CASZ1: variants seen among roughly 807,000 people sequenced by gnomAD.
CASZ1 encodes castor zinc finger 1.
CASZ1 carries 28 observed loss-of-function variants against 135.2 expected under a neutral mutation model. The ratio of observed to expected loss-of-function variants is 0.21; its 90% CI spans 0.15 to 0.28. CASZ1 has a LOEUF of 0.28. Ranked by LOEUF, CASZ1 falls within the 10% of genes least tolerant of loss-of-function variation. The probability of loss-of-function intolerance (pLI) is 1.00; values close to 1 mark genes in which losing one functional copy is unlikely to be tolerated. For synonymous variants in CASZ1, 1,068 were observed against 1,073.4 expected, an observed-to-expected ratio of 0.99 and a Z score of 0.10; for missense variants, 2,161 against 2,453.3, an observed-to-expected ratio of 0.88 and a Z score of 2.52.
In CASZ1 at chr1:10,639,168, G is replaced by A. The variant is rs1415849883; in HGVS notation, c.5054C>T (p.Pro1685Leu). Residue 1685 changes from proline (P) to leucine (L), a missense_variant, in exon 21 of 21, where the codon CCG becomes CTG. Physicochemically the swap from Pro to Leu is moderately conservative, Grantham distance 98. Coordinates refer to ENST00000377022, the MANE Select transcript of CASZ1 (RefSeq NM_001079843.3). This position sits in a 1 kb window ranked among gnomAD's most constrained non-coding sequence, Gnocchi z 4.0. ...QEDEEEELELPEEEAEDDEDE... is the reference protein window; with the variant it reads ...QEDEEEELELLEEEAEDDEDE... ...CTCGTCGTCTTCGGCCTCCTCCTCCGGCAGCTCCAGCTCCTCCTCCTCGTC... is the reference window on the plus strand; with the variant it reads ...CTCGTCGTCTTCGGCCTCCTCCTCCAGCAGCTCCAGCTCCTCCTCCTCGTC... The A allele has an allele frequency of 1.9e-6, 2 of 1,044,982 alleles. No individual in the cohort carries two copies. The highest frequency in any genetic ancestry group is 2.3e-6 in the Non-Finnish European group (2 of 856,298). 64.7% of individuals were successfully genotyped at this position (1,044,982 alleles called of 1,614,324 possible).
intron 7 of CASZ1, 170 bp downstream of exon 7, chr1:10,658,338 G>A (rs375219860): frequency 1.6e-4 from 96 of 612,054 alleles, no homozygotes; most frequent in East Asian, 8.3e-4. Context: ...GCTCCCAAAC[G>A]GGCGTGCAGG....
Position 10,697,353 on chromosome 1 carries a change from C to A in CASZ1, c.-23-3441G>T, listed in dbSNP as rs1015267440. Among the ~76,000 whole-genome samples, 2 of 152,128 alleles carry A rather than the reference C, an allele frequency of 1.3e-5. No homozygotes were observed. Among genetic ancestry groups the A allele is most frequent in the Admixed American group, 6.6e-5 (1 of 15,262 alleles). On this transcript the variant is annotated intron_variant, in intron 3 of 20. Coordinates refer to ENST00000377022, the MANE Select transcript of CASZ1 (RefSeq NM_001079843.3). This position sits in a 1 kb window ranked among gnomAD's most constrained non-coding sequence, Gnocchi z 4.7. ...TTGAGGACACCTGAGACCCCAAAGC[C>A]AGGCCACAGTGAGGACCTTCATGCC...
chr1:10,643,095 T>G (rs1570397216), intron 19 of CASZ1, 65 bp downstream of exon 19: 2 of 1,594,390 alleles, frequency 1.3e-6, no homozygotes, highest in South Asian at 1.1e-5. Flanking sequence ...GGCCTGAGAG[T>G]GAGCGTGGGA....
In CASZ1 at chr1:10,735,397, G is replaced by A. The variant is rs898048973; in HGVS notation, c.-77+25304C>T. ...GCGCCTGCAAACGCAGGCGAGGCCC[G>A]GGAGCTCTGGGAGGGGACGGGGGAC... On this transcript the variant is annotated intron_variant, in intron 2 of 20. Coordinates refer to ENST00000377022, the MANE Select transcript of CASZ1 (RefSeq NM_001079843.3). The surrounding 1 kb of genome is among the most constrained non-coding windows in gnomAD (Gnocchi z 5.1). Among the ~76,000 whole-genome samples, 3 of 152,138 alleles carry A rather than the reference G, an allele frequency of 2.0e-5. No individual in the cohort carries two copies. The highest frequency in any genetic ancestry group is 4.8e-5 in the African/African-American group (2 of 41,422).
Position 10,699,715 on chromosome 1 carries a change from A to G in CASZ1, c.-24+5777T>C, listed in dbSNP as rs984965244. Among the ~76,000 whole-genome samples, 8 of 152,126 alleles carry G rather than the reference A, an allele frequency of 5.3e-5. No homozygotes were observed. The highest frequency in any genetic ancestry group is 1.2e-4 in the Non-Finnish European group (8 of 68,024). On this transcript the variant is annotated intron_variant, in intron 3 of 20. Coordinates refer to ENST00000377022, the MANE Select transcript of CASZ1 (RefSeq NM_001079843.3). The surrounding 1 kb of genome is among the most constrained non-coding windows in gnomAD (Gnocchi z 4.6). ...GATCCTCCACTTTGGAGGGAGAGAG[A>G]AGGAGGAAAAAACCCCAAACCAAAA...
At chr1:10,792,841 G>A (rs1040686950) in intron 1 of CASZ1, among the ~76,000 whole-genome samples, 4 of 151,896 alleles carry the variant, frequency 2.6e-5, no homozygotes, top group Admixed American at 6.6e-5. Flanking sequence ...AAAATATTTG[G>A]GTGACAATTT....
In CASZ1 at chr1:10,747,224, A is replaced by G. The variant is rs940627550; in HGVS notation, c.-77+13477T>C. On this transcript the variant is annotated intron_variant, in intron 2 of 20. Transcript: ENST00000377022. This position sits in a 1 kb window ranked among gnomAD's most constrained non-coding sequence, Gnocchi z 4.3. The stretch of plus-strand genomic sequence containing the variant: ...TGGAGACATAGGCCACCTGAGACTA[A>G]GGGTGGGGCTGGGAAGCAAAGGGGA... 1.3e-4 allele frequency among the ~76,000 whole-genome samples: 20 copies of G among 152,292 alleles called. No homozygotes were observed. Among genetic ancestry groups the G allele is most frequent in the Non-Finnish European group, 2.6e-4 (18 of 68,014 alleles).
In CASZ1 at chr1:10,700,260, G is replaced by A. The variant is rs1253588985; in HGVS notation, c.-24+5232C>T. Among the ~76,000 whole-genome samples the A allele has an allele frequency of 1.3e-5, 2 of 152,176 alleles. No individual in the cohort carries two copies. Among genetic ancestry groups the A allele is most frequent in the African/African-American group, 4.8e-5 (2 of 41,430 alleles). The stretch of plus-strand genomic sequence containing the variant: ...CAATGATCAGCTGCAGAAGATATGG[G>A]ATTTCTCATTTTAAGCTCTGAAACC... On this transcript the variant is annotated intron_variant, in intron 3 of 20. Coordinates refer to ENST00000377022, the MANE Select transcript of CASZ1 (RefSeq NM_001079843.3). This position sits in a 1 kb window ranked among gnomAD's most constrained non-coding sequence, Gnocchi z 4.2.
chr1:10,669,945 A>G (rs11121604), intron 4 of CASZ1, among the ~76,000 whole-genome samples: 13,344 of 152,278 alleles, frequency 0.088, 867 homozygotes, highest in Middle Eastern at 0.19. Context: ...CGTCCCTTCT[A>G]AACATTTCAC....
Position 10,653,374 on chromosome 1 carries a change from C to A in CASZ1, c.2680+3G>T. On this transcript the variant is annotated splice_donor_region_variant and intron_variant, in intron 11 of 20. Coordinates refer to ENST00000377022, the MANE Select transcript of CASZ1 (RefSeq NM_001079843.3). ...CTTTCTGGGCAGGACCCAGCCTGCTCACCTGGGTCAAAGGTGGCAGAGGGC... is the reference window on the plus strand; with the variant it reads ...CTTTCTGGGCAGGACCCAGCCTGCTAACCTGGGTCAAAGGTGGCAGAGGGC... 6.2e-7 allele frequency: 1 copy of A among 1,613,062 alleles called. No homozygotes were observed. Among genetic ancestry groups the A allele is most frequent in the South Asian group, 1.1e-5 (1 of 91,026 alleles).
chr1:10,722,815 A>G (rs537909880), intron 2 of CASZ1, among the ~76,000 whole-genome samples: 4 of 152,348 alleles, frequency 2.6e-5, no homozygotes, highest in South Asian at 4.1e-4. Flanking sequence ...GGCCTCTAGG[A>G]AGAGCTGGCG....
chr1:10,685,399 G>A (rs1032614866), intron 4 of CASZ1, among the ~76,000 whole-genome samples: 6 of 152,230 alleles, frequency 3.9e-5, no homozygotes, highest in Non-Finnish European at 8.8e-5. Flanking sequence ...CCTCGGTAGC[G>A]TGTTCTATTT....
intron 3 of CASZ1, among the ~76,000 whole-genome samples, chr1:10,696,252 C>T (rs1638932145): frequency 1.3e-5 from 2 of 152,196 alleles, no homozygotes; most frequent in South Asian, 4.1e-4. Flanking sequence ...CCACTGCCTT[C>T]CTGGCAGTCC....
chr1:10,699,051 G>T lies in CASZ1; in HGVS notation c.-23-5139C>A, dbSNP rs547589175. On this transcript the variant is annotated intron_variant, in intron 3 of 20. Coordinates refer to ENST00000377022, the MANE Select transcript of CASZ1 (RefSeq NM_001079843.3). This position sits in a 1 kb window ranked among gnomAD's most constrained non-coding sequence, Gnocchi z 4.6. ...GGGTGGGAGCAAGATGGAGCCTGGGGTTGGGGGTGGACAGGTATCACACAT... is the reference window on the plus strand; with the variant it reads ...GGGTGGGAGCAAGATGGAGCCTGGGTTTGGGGGTGGACAGGTATCACACAT... 2.6e-5 allele frequency among the ~76,000 whole-genome samples: 4 copies of T among 152,326 alleles called. No homozygotes were observed. The South Asian group carries it at 8.3e-4, about 32-fold the overall frequency.
chr1:10,727,415 G>A lies in CASZ1; in HGVS notation c.-76-21871C>T, dbSNP rs1639617226. Among the ~76,000 whole-genome samples, 1 of 151,452 alleles carries A rather than the reference G, an allele frequency of 6.6e-6. No homozygotes were observed. Among genetic ancestry groups the A allele is most frequent in the African/African-American group, 2.4e-5 (1 of 41,236 alleles). ...AGAAAAGAAAAAAAAAAACAACCCA[G>A]CCTCCCAGAAGCTCACAAACACCCC... On this transcript the variant is annotated intron_variant, in intron 2 of 20. Transcript: ENST00000377022. The surrounding 1 kb of genome is among the most constrained non-coding windows in gnomAD (Gnocchi z 5.3).
chr1:10,746,053 G>A (rs1180412069), intron 2 of CASZ1, among the ~76,000 whole-genome samples: 1 of 152,258 alleles, frequency 6.6e-6, no homozygotes, highest in Non-Finnish European at 1.5e-5. Flanking sequence ...CCCATTCACA[G>A]GTGAAGAAAC....
intron 8 of CASZ1, 79 bp downstream of exon 8, chr1:10,656,567 G>T: frequency 1.8e-6 from 2 of 1,121,862 alleles, no homozygotes; most frequent in South Asian, 2.7e-5. Context: ...CCCCACTGCC[G>T]TCCCCGCCTG....
chr1:10,643,954 G>A (rs1308716913), intron 18 of CASZ1, among the ~76,000 whole-genome samples: 2 of 152,236 alleles, frequency 1.3e-5, no homozygotes, highest in Admixed American at 6.5e-5. Context: ...AGCACAGGCC[G>A]CAAGTGTTGA....
Position 10,776,719 on chromosome 1 carries a change from A to T in CASZ1, c.-233-15862T>A, listed in dbSNP as rs1054746621. Among the ~76,000 whole-genome samples, 27 of 151,962 alleles carry T rather than the reference A, an allele frequency of 1.8e-4. No homozygotes were observed. The highest frequency in any genetic ancestry group is 4.0e-4 in the Non-Finnish European group (27 of 67,976). ...GGTTGGCTGCATGGCACAGCTGCGG[A>T]CTCCAGACGGTGGCAAGAAGCTCCA... On this transcript the variant is annotated intron_variant, in intron 1 of 20. Coordinates refer to ENST00000377022, the MANE Select transcript of CASZ1 (RefSeq NM_001079843.3). The surrounding 1 kb of genome is among the most constrained non-coding windows in gnomAD (Gnocchi z 4.1).
Sources: allele counts gnomAD v4.1 joint callset (sites outside exome capture counted in the v4.1 genomes callset), GRCh38; gene constraint gnomAD v4.1.1; non-coding constraint Gnocchi (gnomAD v3.1); transcripts MANE v1.5; gene names NCBI Gene and HGNC (gene_info 2026-07-23, HGNC 2026-07-21).